ADRA1A: variants seen among roughly 807,000 people sequenced by gnomAD.
ADRA1A encodes alpha-1A adrenergic receptor.
In ADRA1A, 31 loss-of-function variants were observed where a neutral mutation model predicts 29.6. The ratio of observed to expected loss-of-function variants is 1.05; its 90% CI spans 0.79 to 1.41. ADRA1A has a LOEUF of 1.41. Among genes scored for constraint, ADRA1A ranks in the 40% most tolerant of loss-of-function variants. The probability of loss-of-function intolerance (pLI) is 0.00; values close to 1 mark genes in which losing one functional copy is unlikely to be tolerated. For synonymous variants in ADRA1A, 311 were observed against 254.3 expected, an observed-to-expected ratio of 1.22 and a Z score of -2.12; for missense variants, 619 against 601.1, an observed-to-expected ratio of 1.03 and a Z score of -0.31.
At chr8:26,762,877 C>G (rs1805582887), downstream of ADRA1A, among the ~76,000 whole-genome samples, 1 of 152,146 alleles carries the variant, frequency 6.6e-6, no homozygotes, top group Non-Finnish European at 1.5e-5. The surrounding 1 kb of genome is among the most constrained non-coding windows in gnomAD (Gnocchi z 4.0). Context: ...GAGAGTCTTT[C>G]TCTTCCTCGT....
chr8:26,837,654 A>G (rs1811482368), intron 2 of ADRA1A, among the ~76,000 whole-genome samples: 1 of 151,852 alleles, frequency 6.6e-6, no homozygotes, highest in South Asian at 2.1e-4. Context: ...CTGTCTCAAA[A>G]AAAAAAAAAA....
chr8:26,783,787 C>T (rs4358808), intron 2 of ADRA1A, among the ~76,000 whole-genome samples: 85,562 of 152,092 alleles, frequency 0.56, 25,699 homozygotes, highest in East Asian at 0.9. Context: ...CCCAAATGCC[C>T]ATCAATGATA....
intron 2 of ADRA1A, among the ~76,000 whole-genome samples, chr8:26,852,168 G>C (rs1812685804): frequency 6.6e-6 from 1 of 152,108 alleles, no homozygotes; most frequent in Non-Finnish European, 1.5e-5. Flanking sequence ...CACAGGACAA[G>C]GGAAATATTA....
chr8:26,830,892 G>A (rs1030456340), intron 2 of ADRA1A, among the ~76,000 whole-genome samples: 3 of 152,150 alleles, frequency 2.0e-5, no homozygotes, highest in South Asian at 2.1e-4. Flanking sequence ...GGGTCATTGC[G>A]GGCGGGAGGG....
Position 26,837,650 on chromosome 8 carries a change from C to CA in ADRA1A, c.883+26436dup, listed in dbSNP as rs372072664. 6.9e-3 allele frequency among the ~76,000 whole-genome samples: 890 copies of CA among 128,538 alleles called. 26 individuals are homozygous for CA. Among genetic ancestry groups the CA allele is most frequent in the African/African-American group, 0.017 (568 of 33,974 alleles). 84.3% of individuals were successfully genotyped at this position (128,538 alleles called of 152,430 possible). A position where few individuals can be genotyped will look rare whatever the true frequency, so the allele number is the denominator to read the frequency against. ...TGGGTGACAGAGAGAGACTCTGTCT[C>CA]AAAAAAAAAAAAAAAGTGTACAGTA... On this transcript the variant is annotated intron_variant, in intron 2 of 2. Coordinates refer to ENST00000380573, the MANE Select transcript of ADRA1A (RefSeq NM_000680.4).
intron 2 of ADRA1A, chr8:26,858,954 A>T (rs1813242235): frequency 1.0e-6 from 1 of 968,880 alleles, no homozygotes; most frequent in Non-Finnish European, 1.3e-6. Flanking sequence ...GCCTTAGTGG[A>T]AAGAAGCTTG....
downstream of ADRA1A, among the ~76,000 whole-genome samples, chr8:26,751,439 C>G (rs1413299700): frequency 6.6e-6 from 1 of 152,030 alleles, no homozygotes. Flanking sequence ...CATTAAGAGG[C>G]CTTTTGTCTA....
rs1224091676 is a variant in ADRA1A at position 26,806,468 on chromosome 8, G to GT, written c.884-35803dup. Reference sequence around the variant, plus strand: ...GCCTCTGGCTCAGTTGAAATGGAATGTAAGTGCAATGCCAGAGCCTGGTAA... The same window carrying GT: ...GCCTCTGGCTCAGTTGAAATGGAATGTTAAGTGCAATGCCAGAGCCTGGTAA... On this transcript the variant is annotated intron_variant, in intron 2 of 2. Coordinates refer to ENST00000380573, the MANE Select transcript of ADRA1A (RefSeq NM_000680.4). The surrounding 1 kb of genome is among the most constrained non-coding windows in gnomAD (Gnocchi z 4.6). Among the ~76,000 whole-genome samples, 1 of 152,152 alleles carries GT rather than the reference G, an allele frequency of 6.6e-6. No individual in the cohort carries two copies. The highest frequency in any genetic ancestry group is 1.5e-5 in the Non-Finnish European group (1 of 68,034).
chr8:26,756,611 C>G, exon 3 of ADRA1A: 2 of 1,561,964 alleles, frequency 1.3e-6, no homozygotes, highest in Non-Finnish European at 8.7e-7. Context: ...CAGATGGATG[C>G]TTGATAAAGA....
chr8:26,850,928 C>A (rs950970117), intron 2 of ADRA1A, among the ~76,000 whole-genome samples: 1 of 152,186 alleles, frequency 6.6e-6, no homozygotes, highest in Non-Finnish European at 1.5e-5. Context: ...ATGGAAGCAC[C>A]ACAGACAATA....
downstream of ADRA1A, among the ~76,000 whole-genome samples, chr8:26,763,768 G>T (rs1390609677): frequency 6.6e-6 from 1 of 151,974 alleles, no homozygotes; most frequent in Admixed American, 6.5e-5. The surrounding 1 kb of genome is among the most constrained non-coding windows in gnomAD (Gnocchi z 4.5). Flanking sequence ...CTGTTTTTTT[G>T]TTTGTTTTGT....
rs759652152 is a variant in ADRA1A at position 26,770,393 on chromosome 8, T to C, written c.1157A>G (p.Tyr386Cys). ...AACGCCATCCGTCTTGGAGATCCTG[T>C]AGAAGGTCTCTCTTGATCCCACGGG... Reference protein sequence around the residue: ...RIPVGSRETFYRISKTDGVCE... With the variant: ...RIPVGSRETFCRISKTDGVCE... Residue 386 changes from tyrosine (Y) to cysteine (C), a missense_variant, in exon 3 of 3, where the codon TAC (tyrosine) becomes TGC (cysteine). Tyr to Cys is a radical substitution (Grantham distance 194). Coordinates refer to ENST00000380573, the MANE Select transcript of ADRA1A (RefSeq NM_000680.4). The C allele has an allele frequency of 6.2e-7, 1 of 1,614,214 alleles. No homozygotes were observed. The highest frequency in any genetic ancestry group is 1.1e-5 in the South Asian group (1 of 91,080).
intron 2 of ADRA1A, among the ~76,000 whole-genome samples, chr8:26,828,109 G>C (rs555691623): frequency 6.6e-6 from 1 of 152,000 alleles, no homozygotes; most frequent in Non-Finnish European, 1.5e-5. Context: ...GCCCAGGCTG[G>C]TCTCAAACTC....
chr8:26,857,891 T>C (rs1452743841), intron 2 of ADRA1A, among the ~76,000 whole-genome samples: 1 of 152,212 alleles, frequency 6.6e-6, no homozygotes, highest in East Asian at 1.9e-4. Flanking sequence ...ATACCTTTGC[T>C]AGGTATCTAA....
At chr8:26,779,098 A>C (rs1478477553) in intron 2 of ADRA1A, 1 of 492,102 alleles carries the variant, frequency 2.0e-6, no homozygotes, top group Non-Finnish European at 3.6e-6. Context: ...AAGTTTTCTT[A>C]TTTACTTGTT....
chr8:26,758,294 G>A (rs879265531), intron 2 of ADRA1A, among the ~76,000 whole-genome samples: 3 of 152,188 alleles, frequency 2.0e-5, no homozygotes, highest in Non-Finnish European at 4.4e-5. Context: ...TCCTGGAAAT[G>A]TAAACCTGAA....
chr8:26,838,049 CT>C (rs1188919761), intron 2 of ADRA1A, among the ~76,000 whole-genome samples: 6 of 152,196 alleles, frequency 3.9e-5, no homozygotes, highest in African/African-American at 7.2e-5. Flanking sequence ...AATCACAAGA[CT>C]TGTATTTCTC....
intron 2 of ADRA1A, among the ~76,000 whole-genome samples, chr8:26,813,912 C>T (rs1171241402): frequency 6.6e-6 from 1 of 152,100 alleles, no homozygotes. Flanking sequence ...TGACTTGGAG[C>T]AGGTGAAAGA....
At chr8:26,846,723 G>A (rs188133114) in intron 2 of ADRA1A, among the ~76,000 whole-genome samples, 1 of 152,294 alleles carries the variant, frequency 6.6e-6, no homozygotes, top group East Asian at 1.9e-4. Flanking sequence ...AGTGAGCCGC[G>A]ATCGCGCCAT....
Sources: allele counts gnomAD v4.1 joint callset (sites outside exome capture counted in the v4.1 genomes callset), GRCh38; gene constraint gnomAD v4.1.1; non-coding constraint Gnocchi (gnomAD v3.1); transcripts MANE v1.5; gene names NCBI Gene and HGNC (gene_info 2026-07-23, HGNC 2026-07-21).